Variants in RBFOX2 observed in about 807,000 individuals in gnomAD.
RBFOX2 encodes RNA binding protein fox-1 homolog 2.
Under a neutral mutation model 49.1 loss-of-function variants are expected in RBFOX2, and 10 were observed. The observed-to-expected ratio is 0.20, with a 90% CI of 0.13 to 0.35. The LOEUF is 0.35. RBFOX2 is among the 10% of genes least tolerant of loss of function. The probability of loss-of-function intolerance (pLI) is 1.00; values close to 1 mark genes in which losing one functional copy is unlikely to be tolerated. For missense variants in RBFOX2, 323 were observed against 486.9 expected (o/e 0.66, Z 3.17); for synonymous variants, 183 against 187.4 (o/e 0.98, Z 0.19).
chr22:35,752,945 T>C (rs1935488344), intron 9 of RBFOX2, among the ~76,000 whole-genome samples: 1 of 152,136 alleles, frequency 6.6e-6, no homozygotes, highest in Non-Finnish European at 1.5e-5. Context: ...AGGAACAGAA[T>C]TGCTAGATCA....
At chr22:35,881,215 C>A (rs373399778) in intron 1 of RBFOX2, among the ~76,000 whole-genome samples, 5 of 151,728 alleles carry the variant, frequency 3.3e-5, no homozygotes, top group African/African-American at 7.2e-5. Context: ...AGTGAGCCGA[C>A]GATCGCGCCA....
At chr22:35,771,964 G>GA (rs994455197) in intron 4 of RBFOX2, among the ~76,000 whole-genome samples, 3 of 151,476 alleles carry the variant, frequency 2.0e-5, no homozygotes, top group African/African-American at 4.9e-5. Flanking sequence ...TCTTGCTTTG[G>GA]AAAAAAAAGT....
At chr22:35,770,122 A>G (rs1301465471) in intron 4 of RBFOX2, among the ~76,000 whole-genome samples, 1 of 151,982 alleles carries the variant, frequency 6.6e-6, no homozygotes, top group Non-Finnish European at 1.5e-5. Flanking sequence ...AGGGCACATT[A>G]ATAATTAGTT....
intron 1 of RBFOX2, among the ~76,000 whole-genome samples, chr22:35,883,537 C>T (rs951169896): frequency 6.6e-6 from 1 of 152,132 alleles, no homozygotes; most frequent in Non-Finnish European, 1.5e-5. Context: ...TGATCTTTGC[C>T]GTGTCTCAAT....
intron 1 of RBFOX2, among the ~76,000 whole-genome samples, chr22:35,883,671 A>G (rs747969651): frequency 3.3e-5 from 5 of 152,184 alleles, no homozygotes; most frequent in Non-Finnish European, 7.3e-5. Flanking sequence ...GCAAGAAGGA[A>G]CCAGAGGGGA....
chr22:35,851,588 A>T (rs1326487880), intron 1 of RBFOX2, among the ~76,000 whole-genome samples: 1 of 152,132 alleles, frequency 6.6e-6, no homozygotes, highest in Non-Finnish European at 1.5e-5. Context: ...ACACTTTGGG[A>T]GGCTGAGGCA....
At chr22:35,753,039 G>A (rs1935529807) in intron 9 of RBFOX2, among the ~76,000 whole-genome samples, 2 of 152,302 alleles carry the variant, frequency 1.3e-5, no homozygotes, top group Non-Finnish European at 2.9e-5. Flanking sequence ...GACTGTGAAA[G>A]GGATTACAAA....
chr22:35,750,090 C>A (rs934063187), intron 9 of RBFOX2, among the ~76,000 whole-genome samples: 1 of 152,124 alleles, frequency 6.6e-6, no homozygotes, highest in South Asian at 2.1e-4. Flanking sequence ...CATACCCTAA[C>A]GACTGGCCCC....
At chr22:35,953,756 T>G (rs190809639) in intron 1 of RBFOX2, among the ~76,000 whole-genome samples, 179 of 152,278 alleles carry the variant, frequency 1.2e-3, no homozygotes, top group African/African-American at 3.9e-3. Context: ...AATAAGTACT[T>G]ACAGCTTGAG....
intron 2 of RBFOX2, among the ~76,000 whole-genome samples, chr22:35,785,036 C>G (rs536637206): frequency 6.6e-6 from 1 of 152,004 alleles, no homozygotes; most frequent in Non-Finnish European, 1.5e-5. Flanking sequence ...CTCACTCTGT[C>G]CCCCAGGCTG....
chr22:35,917,896 T>TG (rs2050605934), intron 1 of RBFOX2, among the ~76,000 whole-genome samples: 1 of 152,164 alleles, frequency 6.6e-6, no homozygotes, highest in Admixed American at 6.6e-5. Flanking sequence ...AGCTCTGCAC[T>TG]GGGAAAAAAG....
intron 1 of RBFOX2, among the ~76,000 whole-genome samples, chr22:35,937,446 T>C (rs193133094): frequency 1.3e-5 from 2 of 152,308 alleles, no homozygotes; most frequent in East Asian, 3.9e-4. Flanking sequence ...TCCCGATGCC[T>C]TATCTGGGGC....
At chr22:35,931,466 A>T (rs935989502) in intron 1 of RBFOX2, among the ~76,000 whole-genome samples, 2 of 152,082 alleles carry the variant, frequency 1.3e-5, no homozygotes, top group African/African-American at 4.8e-5. Context: ...TAGGGGAGTG[A>T]CTGCTAAAAG....
chr22:35,820,463 G>C (rs756470565), intron 1 of RBFOX2, among the ~76,000 whole-genome samples: 6 of 152,022 alleles, frequency 3.9e-5, no homozygotes, highest in Non-Finnish European at 8.8e-5. Context: ...TAGGTATTTG[G>C]GCATCTACTC....
intron 1 of RBFOX2, among the ~76,000 whole-genome samples, chr22:35,982,343 C>G (rs2057498349): frequency 6.6e-6 from 1 of 152,128 alleles, no homozygotes; most frequent in South Asian, 2.1e-4. Flanking sequence ...TCCCTGACTT[C>G]CACCGGTCCC....
upstream of RBFOX2, among the ~76,000 whole-genome samples, chr22:35,844,103 C>T (rs1269092613): frequency 6.6e-6 from 1 of 152,144 alleles, no homozygotes; most frequent in Non-Finnish European, 1.5e-5. Context: ...CTTCAGAAAT[C>T]CCCTACTCCA....
intron 2 of RBFOX2, among the ~76,000 whole-genome samples, chr22:35,799,329 C>T (rs999616407): frequency 6.6e-6 from 1 of 152,188 alleles, no homozygotes; most frequent in East Asian, 1.9e-4. Context: ...CAAGTGTCTG[C>T]AGGCCCAGGT....
intron 1 of RBFOX2, among the ~76,000 whole-genome samples, chr22:35,894,077 T>C (rs2047558984): frequency 6.6e-6 from 1 of 152,152 alleles, no homozygotes; most frequent in African/African-American, 2.4e-5. Context: ...AGTTATCACA[T>C]TTCATAATTT....
intron 1 of RBFOX2, among the ~76,000 whole-genome samples, chr22:35,933,303 G>C (rs762510663): frequency 1.3e-5 from 2 of 152,194 alleles, no homozygotes; most frequent in Non-Finnish European, 2.9e-5. Flanking sequence ...ATATACACAG[G>C]AGGGTTTTGT....
Sources: gnomAD v4.1 joint callset for allele counts (sites outside exome capture counted in the v4.1 genomes callset) on GRCh38, gnomAD v4.1.1 for gene constraint, MANE v1.5 for transcripts, NCBI Gene and HGNC (gene_info 2026-07-23, HGNC 2026-07-21) for gene names.